PXDNL: variants seen among roughly 807,000 people sequenced by gnomAD.
PXDNL encodes peroxidasin like, also known as probable oxidoreductase PXDNL.
In PXDNL, 145 loss-of-function variants were observed where a neutral mutation model predicts 150.8. The observed-to-expected ratio is 0.96, with a 90% CI of 0.84 to 1.10. The LOEUF is 1.10. PXDNL is among the 50% of genes least tolerant of loss of function. The pLI is 0.00. For missense variants in PXDNL, 2,087 were observed against 1,873.9 expected (o/e 1.11, Z -2.10); for synonymous variants, 757 against 725.7 (o/e 1.04, Z -0.69).
At chr8:51,436,330 A>T (rs1421114237) in intron 12 of PXDNL, 1 of 459,216 alleles carries the variant, frequency 2.2e-6, no homozygotes, top group African/African-American at 2.0e-5. Flanking sequence ...TCTCATAAAC[A>T]TTATTCAGGG....
rs117443942 is a variant in PXDNL, at chr8:51,625,929, G to C, written c.236+28760C>G. Among the ~76,000 whole-genome samples the C allele has an allele frequency of 2.9e-4, 44 of 152,274 alleles. No homozygotes were observed. The East Asian group carries it at 7.7e-3, about 27-fold the overall frequency. On this transcript the variant is annotated intron_variant, in intron 2 of 22. Transcript: ENST00000356297. ...AAAGTTTGCCTTCGACTATCTTACA[G>C]TCTTTGAGCCTTCTCAAAATAATGA...
intron 3 of PXDNL, among the ~76,000 whole-genome samples, chr8:51,591,977 A>G (rs926208328): frequency 1.1e-4 from 17 of 152,196 alleles, no homozygotes; most frequent in African/African-American, 4.1e-4. Flanking sequence ...TAGCTGAGAT[A>G]AAAGCCCTTG....
chr8:51,517,149 T>A (rs1051881470), intron 4 of PXDNL, among the ~76,000 whole-genome samples: 1 of 152,178 alleles, frequency 6.6e-6, no homozygotes, highest in Non-Finnish European at 1.5e-5. Context: ...ATAACTTTTT[T>A]AAAAAATCTA....
intron 1 of PXDNL, among the ~76,000 whole-genome samples, chr8:51,707,540 G>T (rs113721255): frequency 0.014 from 2,065 of 152,216 alleles, 28 homozygotes; most frequent in South Asian, 0.046. Context: ...CTTAACATGA[G>T]ATCTATCATC....
At chr8:51,374,303 G>A (rs1807230198) in intron 18 of PXDNL, among the ~76,000 whole-genome samples, 2 of 152,200 alleles carry the variant, frequency 1.3e-5, no homozygotes, top group African/African-American at 4.8e-5. Flanking sequence ...GCTGTAAGTG[G>A]TGAGACTCAG....
chr8:51,649,687 A>C (rs1814994354), intron 2 of PXDNL, among the ~76,000 whole-genome samples: 1 of 152,152 alleles, frequency 6.6e-6, no homozygotes, highest in Admixed American at 6.5e-5. Context: ...GCATACATTA[A>C]TGCTATTTCT....
chr8:51,578,152 GAAAGAGAA>G (rs1813131314), intron 3 of PXDNL, among the ~76,000 whole-genome samples: 1 of 84,898 alleles, frequency 1.2e-5, no homozygotes, highest in African/African-American at 8.7e-5. Context: ...GAGAGAGAAA[GAAAGAGAA>G]AGAAAGAAGG....
intron 4 of PXDNL, among the ~76,000 whole-genome samples, chr8:51,533,958 A>G (rs1442070327): frequency 2.0e-5 from 3 of 149,192 alleles, no homozygotes; most frequent in Non-Finnish European, 4.4e-5. Context: ...CGTCTGGGAT[A>G]CGAGGAGCCT....
intron 1 of PXDNL, among the ~76,000 whole-genome samples, chr8:51,695,944 G>A (rs940197765): frequency 2.0e-5 from 3 of 152,046 alleles, no homozygotes; most frequent in Admixed American, 6.5e-5. Flanking sequence ...AACAGAACAG[G>A]GCTGACACAA....
At chr8:51,536,904 T>C (rs555514927) in intron 4 of PXDNL, among the ~76,000 whole-genome samples, 30 of 152,296 alleles carry the variant, frequency 2.0e-4, no homozygotes, top group African/African-American at 6.5e-4. Context: ...ATTTCTTAGG[T>C]ACCTGAACTC....
chr8:51,559,344 C>T (rs897560205), intron 3 of PXDNL, among the ~76,000 whole-genome samples: 15 of 131,704 alleles, frequency 1.1e-4, no homozygotes, highest in African/African-American at 3.5e-4. Flanking sequence ...CCCCCCCCCC[C>T]GCCACCTTCT....
At chr8:51,614,484 T>C (rs933296022) in intron 2 of PXDNL, among the ~76,000 whole-genome samples, 3 of 152,190 alleles carry the variant, frequency 2.0e-5, no homozygotes, top group South Asian at 2.1e-4. Context: ...TTTTCCCTTT[T>C]TCGCCCATAA....
At chr8:51,376,061 T>C (rs1195032826) in intron 17 of PXDNL, among the ~76,000 whole-genome samples, 1 of 152,238 alleles carries the variant, frequency 6.6e-6, no homozygotes, top group Non-Finnish European at 1.5e-5. Flanking sequence ...TTTTAATAGT[T>C]AATGCCAAAC....
At chr8:51,500,398 TCTCTTAAAG>T (rs1811155835) in intron 4 of PXDNL, among the ~76,000 whole-genome samples, 1 of 152,200 alleles carries the variant, frequency 6.6e-6, no homozygotes, top group Non-Finnish European at 1.5e-5. Context: ...CAGAAAGGCT[TCTCTTAAAG>T]CAGGGCAACT....
At chr8:51,446,473 A>G (rs1809679685) in intron 12 of PXDNL, among the ~76,000 whole-genome samples, 2 of 152,376 alleles carry the variant, frequency 1.3e-5, no homozygotes, top group South Asian at 4.1e-4. Flanking sequence ...TTAAAAATTC[A>G]AATCTTGATT....
At chr8:51,642,371 G>T (rs1814785571) in intron 2 of PXDNL, among the ~76,000 whole-genome samples, 1 of 151,728 alleles carries the variant, frequency 6.6e-6, no homozygotes, top group Admixed American at 6.6e-5. Flanking sequence ...ATAAAATAAA[G>T]TGAAATAAAA....
intron 12 of PXDNL, among the ~76,000 whole-genome samples, chr8:51,438,712 C>A (rs1417615355): frequency 2.7e-5 from 4 of 149,734 alleles, no homozygotes; most frequent in Non-Finnish European, 5.9e-5. Context: ...AAGACTCCAT[C>A]AAAAAAAAAT....
chr8:51,541,919 T>A (rs1262234222), intron 4 of PXDNL, among the ~76,000 whole-genome samples: 1 of 152,176 alleles, frequency 6.6e-6, no homozygotes, highest in African/African-American at 2.4e-5. Flanking sequence ...AGAATATTAA[T>A]CTGGTCTCTC....
intron 21 of PXDNL, among the ~76,000 whole-genome samples, chr8:51,338,638 A>G (rs1216012899): frequency 2.0e-5 from 3 of 152,242 alleles, no homozygotes; most frequent in Admixed American, 1.3e-4. Flanking sequence ...CAGTGACATT[A>G]CTGTCTAAGA....
Sources: allele counts gnomAD v4.1 joint callset (sites outside exome capture counted in the v4.1 genomes callset), GRCh38; gene constraint gnomAD v4.1.1; transcripts MANE v1.5; gene names NCBI Gene and HGNC (gene_info 2026-07-23, HGNC 2026-07-21).